The following HMX1 variants were observed in gnomAD, a reference collection of about 807,000 sequenced individuals.
HMX1 encodes the protein homeobox protein HMX1.
A neutral mutation model predicts 8.9 loss-of-function variants in HMX1; 8 were observed. The observed-to-expected ratio is 0.90, with a 90% confidence interval of 0.53 to 1.63. HMX1 has a LOEUF of 1.63. Among genes scored for constraint, HMX1 ranks in the 40% most tolerant of loss-of-function variants. The probability of loss-of-function intolerance (pLI) is 0.00; values close to 1 mark genes in which losing one functional copy is unlikely to be tolerated. For synonymous variants in HMX1, 311 were observed against 283.4 expected (o/e 1.10, Z -0.98); for missense variants, 621 against 558.5 (o/e 1.11, Z -1.13).
In HMX1 at chr4:8,870,810, C is replaced by T. The variant is rs1399037200; in HGVS notation, c.394+411G>A. Among the ~76,000 whole-genome samples, 1 of 125,764 alleles carries T rather than the reference C, an allele frequency of 8.0e-6. No homozygotes were observed. Among genetic ancestry groups the T allele is most frequent in the African/African-American group, 2.9e-5 (1 of 34,304 alleles). The allele number at this position is 125,764 out of a possible 152,430, so 82.5% of individuals were successfully genotyped here. A position where few individuals can be genotyped will look rare whatever the true frequency, so the allele number is the denominator to read the frequency against. ...TCCTGCATCTTCCCCTCCCCCCACC[C>T]CATTCTCTCTCCCGCAGCACATTCC... On this transcript the variant is annotated intron_variant, in intron 1 of 1. Coordinates refer to ENST00000400677, the MANE Select transcript of HMX1 (RefSeq NM_018942.3). This position sits in a 1 kb window ranked among gnomAD's most constrained non-coding sequence, Gnocchi z 4.4.
At chr4:8,860,057 A>T (rs1316743763) in intron 1 of HMX1, among the ~76,000 whole-genome samples, 1 of 152,248 alleles carries the variant, frequency 6.6e-6, no homozygotes, top group Non-Finnish European at 1.5e-5. Flanking sequence ...GACAGCGCGA[A>T]CTGCGTCAGG....
At chr4:8,850,009 A>G (rs1721396341) in intron 1 of HMX1, among the ~76,000 whole-genome samples, 1 of 152,124 alleles carries the variant, frequency 6.6e-6, no homozygotes, top group Admixed American at 6.5e-5. Flanking sequence ...CTTCTCCCAC[A>G]GCCCCACAAC....
chr4:8,867,258 A>G lies in HMX1; in HGVS notation c.*435T>C. On this transcript the variant is annotated 3_prime_UTR_variant, in exon 2 of 2. Transcript: ENST00000400677. ...GCCGGCCTGCTGTCTGGGTCCCAGGAAAGGGACGTTTAGTGTTGGGGGCAG... is the reference window on the plus strand; with the variant it reads ...GCCGGCCTGCTGTCTGGGTCCCAGGGAAGGGACGTTTAGTGTTGGGGGCAG... 1.0e-6 allele frequency: 1 copy of G among 986,240 alleles called. No individual in the cohort carries two copies. Among genetic ancestry groups the G allele is most frequent in the African/African-American group, 1.7e-5 (1 of 57,384 alleles). 61.1% of individuals were successfully genotyped at this position (986,240 alleles called of 1,614,324 possible).
Position 8,867,722 on chromosome 4 carries a change from G to T in HMX1, c.1018C>A (p.Leu340Met). ...ACCAGGCCAGGCATCTGCGCCCGCA[G>T]AAAGGGCACGGAGGCGGCGGCCGGG... is the stretch of plus-strand genomic sequence containing the variant. ...AFPAAASVPF[L>M]RAQMPGLV is the part of the protein sequence containing the mutation. The change falls in exon 2 of 2, where the codon CTG becomes ATG. Residue 340 changes from leucine to methionine, a missense_variant. Transcript: ENST00000400677. 1 of 1,281,120 alleles carries T rather than the reference G, an allele frequency of 7.8e-7. No homozygotes were observed. Among genetic ancestry groups the T allele is most frequent in the Non-Finnish European group, 9.8e-7 (1 of 1,017,506 alleles). The allele number at this position is 1,281,120 out of a possible 1,614,324, so 79.4% of individuals were successfully genotyped here.
rs1721310245 is a variant in HMX1, at chr4:8,847,360, G to A, written c.395-1036C>T. ...GAATATCTTTGACTTAAGAATTCCTGGTTCACACCAGGAGGAGCAAGATGT... is the reference window on the plus strand; with the variant it reads ...GAATATCTTTGACTTAAGAATTCCTAGTTCACACCAGGAGGAGCAAGATGT... On this transcript the variant is annotated intron_variant, in intron 1 of 1. Transcript: ENST00000506970. This position sits in a 1 kb window ranked among gnomAD's most constrained non-coding sequence, Gnocchi z 6.0. Among the ~76,000 whole-genome samples, 1 of 152,160 alleles carries A rather than the reference G, an allele frequency of 6.6e-6. No homozygotes were observed. Among genetic ancestry groups the A allele is most frequent in the Admixed American group, 6.5e-5 (1 of 15,280 alleles).
At chr4:8,864,475 C>G (rs746263658), downstream of HMX1, among the ~76,000 whole-genome samples, 4 of 152,156 alleles carry the variant, frequency 2.6e-5, no homozygotes, top group Non-Finnish European at 5.9e-5. Flanking sequence ...GGAGGCAGAT[C>G]GAAGCCATTC....
rs1721315265 is a variant in HMX1 at position 8,847,524 on chromosome 4, T to C, written c.395-1200A>G. On this transcript the variant is annotated intron_variant, in intron 1 of 1. Coordinates refer to the HMX1 transcript ENST00000506970. This position sits in a 1 kb window ranked among gnomAD's most constrained non-coding sequence, Gnocchi z 6.0. Reference sequence around the variant, plus strand: ...AAGATGCTGGGCCGGGCACAACTCCTGTCCCGAGAGCAGGCGGACCTGAAG... The same window carrying C: ...AAGATGCTGGGCCGGGCACAACTCCCGTCCCGAGAGCAGGCGGACCTGAAG... 6.6e-6 allele frequency among the ~76,000 whole-genome samples: 1 copy of C among 152,242 alleles called. No homozygotes were observed. Among genetic ancestry groups the C allele is most frequent in the Non-Finnish European group, 1.5e-5 (1 of 68,042 alleles).
Position 8,849,448 on chromosome 4 carries a change from C to A in HMX1, c.395-3124G>T, listed in dbSNP as rs1402716172. ...GCCTTGAGCCACAGATTGCCAGATG[C>A]CATCAGAAGCTGGAGGGGGCAGGAA... On this transcript the variant is annotated intron_variant, in intron 1 of 1. Transcript: ENST00000506970. The surrounding 1 kb of genome is among the most constrained non-coding windows in gnomAD (Gnocchi z 6.6). Among the ~76,000 whole-genome samples, 5 of 152,034 alleles carry A rather than the reference C, an allele frequency of 3.3e-5. No individual in the cohort carries two copies. Among genetic ancestry groups the A allele is most frequent in the Non-Finnish European group, 7.4e-5 (5 of 68,018 alleles).
Position 8,849,988 on chromosome 4 carries a change from C to T in HMX1, c.395-3664G>A, listed in dbSNP as rs1323593499. 6.6e-6 allele frequency among the ~76,000 whole-genome samples: 1 copy of T among 152,204 alleles called. No homozygotes were observed. The highest frequency in any genetic ancestry group is 6.5e-5 in the Admixed American group (1 of 15,292). On this transcript the variant is annotated intron_variant, in intron 1 of 1. Transcript: ENST00000506970. The surrounding 1 kb of genome is among the most constrained non-coding windows in gnomAD (Gnocchi z 6.6). The stretch of plus-strand genomic sequence containing the variant: ...TCCCAAACCCTGTGGGTGTTGGTTT[C>T]TCTGGGCCTCCTTCTCCCACAGCCC...
In HMX1 at chr4:8,856,250, A is replaced by G. The variant is rs544269703; in HGVS notation, c.395-9926T>C. Among the ~76,000 whole-genome samples the G allele has an allele frequency of 3.9e-5, 6 of 152,338 alleles. No homozygotes were observed. In the South Asian group the frequency reaches 1.2e-3, roughly 32 times the overall value. On this transcript the variant is annotated intron_variant, in intron 1 of 1. Transcript: ENST00000506970. ...TTGATAGATTCCTTTTAAAAAAGAA[A>G]GAACCGAAAAAATGAATTCAAGCAA...
At chr4:8,857,667 G>A (rs965138197) in intron 1 of HMX1, among the ~76,000 whole-genome samples, 8 of 152,254 alleles carry the variant, frequency 5.3e-5, no homozygotes, top group African/African-American at 1.9e-4. Flanking sequence ...GGATCGTTCC[G>A]CCGTTCGCCC....
intron 1 of HMX1, among the ~76,000 whole-genome samples, chr4:8,869,103 G>C (rs1722127329): frequency 3.9e-5 from 6 of 152,224 alleles, no homozygotes; most frequent in Non-Finnish European, 8.8e-5. Flanking sequence ...ACATGCAGCA[G>C]CTGAGTCCTG....
In HMX1 at chr4:8,867,682, G is replaced by A; in HGVS notation, c.*11C>T. The A allele has an allele frequency of 8.0e-7, 1 of 1,243,222 alleles. No individual in the cohort carries two copies. Among genetic ancestry groups the A allele is most frequent in the Non-Finnish European group, 1.0e-6 (1 of 994,878 alleles). The allele number at this position is 1,243,222 out of a possible 1,614,324, so 77.0% of individuals were successfully genotyped here. On this transcript the variant is annotated 3_prime_UTR_variant, in exon 2 of 2. Coordinates refer to ENST00000400677, the MANE Select transcript of HMX1 (RefSeq NM_018942.3). ...CACAGGGTCGTGGGGAGAGGGCCCG[G>A]CAGGCGGGGCTCACACCAGGCCAGG...
Position 8,870,657 on chromosome 4 carries a change from A to G in HMX1, c.394+564T>C. Among the ~76,000 whole-genome samples the G allele has an allele frequency of 1.3e-5, 1 of 75,314 alleles. No homozygotes were observed. The highest frequency in any genetic ancestry group is 4.6e-4 in the South Asian group (1 of 2,192). The allele number at this position is 75,314 out of a possible 152,430, so 49.4% of individuals were successfully genotyped here. ...TTAGATGGCTCCCCTCCCCGGCCCC[A>G]CCCCCACAACACTGCACCCTCTGCT... On this transcript the variant is annotated intron_variant, in intron 1 of 1. Transcript: ENST00000400677. This position sits in a 1 kb window ranked among gnomAD's most constrained non-coding sequence, Gnocchi z 4.4.
intron 1 of HMX1, among the ~76,000 whole-genome samples, chr4:8,850,693 C>T (rs934510862): frequency 6.6e-6 from 1 of 152,238 alleles, no homozygotes; most frequent in Non-Finnish European, 1.5e-5. Context: ...GGCTATCTGC[C>T]CCTCCGCCTC....
downstream of HMX1, among the ~76,000 whole-genome samples, chr4:8,862,064 C>G (rs1721845611): frequency 6.6e-6 from 1 of 152,236 alleles, no homozygotes; most frequent in South Asian, 2.1e-4. Flanking sequence ...GCGGAGGCGA[C>G]GCCCCGGCGC....
Position 8,847,960 on chromosome 4 carries a change from C to G in HMX1, c.395-1636G>C, listed in dbSNP as rs2109451138. ...GGCTTTACGGTAACTGGAACAGGCTCCGACTCCCTGGAGCGCCAGGTCCAG... is the reference window on the plus strand; with the variant it reads ...GGCTTTACGGTAACTGGAACAGGCTGCGACTCCCTGGAGCGCCAGGTCCAG... On this transcript the variant is annotated intron_variant, in intron 1 of 1. Transcript: ENST00000506970. This position sits in a 1 kb window ranked among gnomAD's most constrained non-coding sequence, Gnocchi z 6.0. 6.6e-6 allele frequency among the ~76,000 whole-genome samples: 1 copy of G among 152,244 alleles called. No homozygotes were observed. Among genetic ancestry groups the G allele is most frequent in the African/African-American group, 2.4e-5 (1 of 41,538 alleles).
At position 8,868,035 on chromosome 4, in the gene HMX1, G is replaced by T. The variant is rs940367918; in HGVS notation, c.705C>A (p.Gly235=). 3 of 1,537,914 alleles carry T rather than the reference G, an allele frequency of 2.0e-6. No individual in the cohort carries two copies. The African/African-American group carries it at 4.2e-5, about 22-fold the overall frequency. Residue 235 remains glycine, a synonymous_variant, in exon 2 of 2, where the codon GGC becomes GGA. Transcript: ENST00000400677. The surrounding 1 kb of genome is among the most constrained non-coding windows in gnomAD (Gnocchi z 4.6). The part of the protein sequence containing the change: ...KRYLSSAERA[G]LAASLQLTET... ...CGGTGAGCTGCAGGGAGGCGGCCAG[G>T]CCGGCGCGCTCGGCGCTGCTCAGGT...
In HMX1 at chr4:8,849,039, G is replaced by C. The variant is rs1577190683; in HGVS notation, c.395-2715C>G. Among the ~76,000 whole-genome samples the C allele has an allele frequency of 6.6e-6, 1 of 152,134 alleles. No individual in the cohort carries two copies. The highest frequency in any genetic ancestry group is 2.1e-4 in the South Asian group (1 of 4,826). On this transcript the variant is annotated intron_variant, in intron 1 of 1. Coordinates refer to the HMX1 transcript ENST00000506970. The surrounding 1 kb of genome is among the most constrained non-coding windows in gnomAD (Gnocchi z 6.6). ...ATCGTGGGGGTGGAGACCCGGCTGAGGGGGGTGGGCCTCCTCCCCCTGCCC... is the reference window on the plus strand; with the variant it reads ...ATCGTGGGGGTGGAGACCCGGCTGACGGGGGTGGGCCTCCTCCCCCTGCCC...
Sources: allele counts gnomAD v4.1 joint callset (sites outside exome capture counted in the v4.1 genomes callset), GRCh38; gene constraint gnomAD v4.1.1; non-coding constraint Gnocchi (gnomAD v3.1); transcripts MANE v1.5; gene names NCBI Gene and HGNC (gene_info 2026-07-23, HGNC 2026-07-21).